Variants in ADGRL3 observed in about 807,000 individuals in gnomAD.
ADGRL3 encodes calcium-independent alpha-latrotoxin receptor 3.
In ADGRL3, 62 loss-of-function variants were observed where a neutral mutation model predicts 153.5. That is an observed-to-expected ratio of 0.40 (90% confidence interval 0.33 to 0.50). The LOEUF is 0.50. ADGRL3 is among the 20% of genes least tolerant of loss of function. ADGRL3 has a pLI of 0.47. For synonymous variants in ADGRL3, 710 were observed against 672.5 expected, an observed-to-expected ratio of 1.06 and a Z score of -0.86; for missense variants, 1,641 against 1,859.4, an observed-to-expected ratio of 0.88 and a Z score of 2.16.
intron 4 of ADGRL3, among the ~76,000 whole-genome samples, chr4:61,561,435 A>G (rs2098794698): frequency 6.6e-6 from 1 of 152,164 alleles, no homozygotes; most frequent in South Asian, 2.1e-4. Context: ...GTTTCCTGAC[A>G]AAGCTTCTCT....
At chr4:61,608,047 A>G (rs895761325) in intron 5 of ADGRL3, among the ~76,000 whole-genome samples, 9 of 152,214 alleles carry the variant, frequency 5.9e-5, no homozygotes, top group Non-Finnish European at 1.2e-4. Context: ...GTGAGAAAAG[A>G]AAAAAGAACA....
intron 8 of ADGRL3, among the ~76,000 whole-genome samples, chr4:61,780,844 T>C (rs2152379277): frequency 2.0e-5 from 3 of 152,316 alleles, no homozygotes; most frequent in Middle Eastern, 6.8e-3. Context: ...ATCAGGCTGA[T>C]GTGTTTGTTC....
intron 25 of ADGRL3, among the ~76,000 whole-genome samples, chr4:62,066,734 G>T (rs1291604292): frequency 6.6e-6 from 1 of 152,066 alleles, no homozygotes; most frequent in African/African-American, 2.4e-5. Flanking sequence ...ATATATTATA[G>T]TTGGTAAGAA....
chr4:61,643,803 T>C (rs1232018667), intron 5 of ADGRL3, among the ~76,000 whole-genome samples: 1 of 146,030 alleles, frequency 6.8e-6, no homozygotes, highest in East Asian at 2.0e-4. Flanking sequence ...GCTGGCCTCA[T>C]AAAATGAGTT....
At chr4:61,878,580 G>A (rs946724151) in intron 9 of ADGRL3, among the ~76,000 whole-genome samples, 7 of 152,178 alleles carry the variant, frequency 4.6e-5, no homozygotes, top group Non-Finnish European at 5.9e-5. Context: ...ATGAAGTAGG[G>A]TGATCTCCTC....
chr4:62,063,059 G>C (rs1432860477), intron 25 of ADGRL3, among the ~76,000 whole-genome samples: 1 of 151,902 alleles, frequency 6.6e-6, no homozygotes, highest in Non-Finnish European at 1.5e-5. Flanking sequence ...ACTTTCATTG[G>C]AAACAACCCA....
chr4:61,546,645 A>G (rs1163683599), intron 4 of ADGRL3, among the ~76,000 whole-genome samples: 1 of 152,178 alleles, frequency 6.6e-6, no homozygotes, highest in Non-Finnish European at 1.5e-5. Context: ...TCAACCCTGA[A>G]GGGAGTATTT....
intron 1 of ADGRL3, among the ~76,000 whole-genome samples, chr4:61,324,577 G>A (rs2095428281): frequency 6.6e-6 from 1 of 152,098 alleles, no homozygotes; most frequent in South Asian, 2.1e-4. Flanking sequence ...TTATAAAATT[G>A]ACTTCATACA....
intron 15 of ADGRL3, among the ~76,000 whole-genome samples, chr4:61,937,676 C>T (rs933223640): frequency 1.3e-5 from 2 of 152,060 alleles, no homozygotes; most frequent in African/African-American, 2.4e-5. Context: ...ATTGCCTAGT[C>T]TCCCTCCAGG....
rs79124219 is a variant in ADGRL3 at position 61,707,476 on chromosome 4, A to G, written c.584-23146A>G. ...GGTAAAATACAGAGTGATAATGTTG[A>G]TTTTTAAAAATAAATAACAACTTGT... On this transcript the variant is annotated intron_variant, in intron 6 of 26. Transcript: ENST00000683033. Among the ~76,000 whole-genome samples the G allele has an allele frequency of 4.7e-3, 714 of 152,284 alleles. 5 individuals carry two copies. Among genetic ancestry groups the G allele is most frequent in the African/African-American group, 0.017 (691 of 41,556 alleles).
At chr4:61,538,141 A>C (rs2098668455) in intron 4 of ADGRL3, among the ~76,000 whole-genome samples, 1 of 152,176 alleles carries the variant, frequency 6.6e-6, no homozygotes, top group Non-Finnish European at 1.5e-5. Context: ...GAAATAAAAA[A>C]ATAAAATAAA....
At chr4:61,599,832 C>A (rs1272782271) in intron 5 of ADGRL3, among the ~76,000 whole-genome samples, 1 of 152,094 alleles carries the variant, frequency 6.6e-6, no homozygotes, top group Non-Finnish European at 1.5e-5. Flanking sequence ...CTGAGGCCTT[C>A]ATTTTGGGGT....
chr4:61,801,848 T>C (rs1048476950), intron 8 of ADGRL3, among the ~76,000 whole-genome samples: 2 of 152,168 alleles, frequency 1.3e-5, no homozygotes, highest in African/African-American at 4.8e-5. Flanking sequence ...TTTTCAGTAA[T>C]GAATATGCTC....
At chr4:61,506,614 G>A (rs781781980) in intron 3 of ADGRL3, among the ~76,000 whole-genome samples, 2 of 152,040 alleles carry the variant, frequency 1.3e-5, no homozygotes, top group Admixed American at 6.5e-5. Context: ...TAGACTCTAA[G>A]CCCAATAAAA....
chr4:61,698,841 A>G (rs981464754), intron 6 of ADGRL3, among the ~76,000 whole-genome samples: 12 of 152,196 alleles, frequency 7.9e-5, no homozygotes, highest in African/African-American at 2.7e-4. Context: ...ATAGAAGACT[A>G]TTCTTAACGC....
chr4:61,672,228 A>G (rs1268726873), intron 5 of ADGRL3, among the ~76,000 whole-genome samples: 3 of 152,096 alleles, frequency 2.0e-5, no homozygotes, highest in Admixed American at 1.3e-4. Flanking sequence ...TTGGCTTTTT[A>G]TATCATGTAA....
chr4:61,780,627 C>T (rs1448302871), intron 8 of ADGRL3, among the ~76,000 whole-genome samples: 1 of 152,160 alleles, frequency 6.6e-6, no homozygotes. Flanking sequence ...TAGTCTATAA[C>T]ACATGATGGA....
intron 18 of ADGRL3, among the ~76,000 whole-genome samples, chr4:61,980,491 G>A (rs1289159451): frequency 6.6e-6 from 1 of 151,412 alleles, no homozygotes; most frequent in Non-Finnish European, 1.5e-5. Context: ...TCACGCAGGA[G>A]TGCAATGGCA....
intron 8 of ADGRL3, among the ~76,000 whole-genome samples, chr4:61,763,854 C>T (rs2096941566): frequency 6.6e-6 from 1 of 151,932 alleles, no homozygotes; most frequent in Non-Finnish European, 1.5e-5. Context: ...CAAAGCTAAC[C>T]AACATTTTAA....
Sources: allele counts gnomAD v4.1 joint callset (sites outside exome capture counted in the v4.1 genomes callset), GRCh38; gene constraint gnomAD v4.1.1; transcripts MANE v1.5; gene names NCBI Gene and HGNC (gene_info 2026-07-23, HGNC 2026-07-21).